The following EWSR1 variants were observed in gnomAD, a reference collection of about 807,000 sequenced individuals.
EWSR1 encodes EWS RNA binding protein 1.
A neutral mutation model predicts 92.1 loss-of-function variants in EWSR1; 14 were observed. That is an observed-to-expected ratio of 0.15 (90% confidence interval 0.10 to 0.24). The LOEUF is 0.24. Among genes scored for constraint, EWSR1 ranks in the 10% least tolerant of loss-of-function variants. EWSR1 has a pLI of 1.00. For missense variants in EWSR1, 637 were observed against 870.9 expected (o/e 0.73, Z 3.38); for synonymous variants, 303 against 292.9 (o/e 1.03, Z -0.35).
chr22:29,290,269 G>C, intron 8 of EWSR1: 1 of 674,838 alleles, frequency 1.5e-6, no homozygotes, highest in South Asian at 2.3e-5. Flanking sequence ...ATTGTGGTGT[G>C]GTGATGGTTT....
Position 29,277,720 on chromosome 22 carries a change from A to C in EWSR1, c.227-310A>C, listed in dbSNP as rs1190464164. On this transcript the variant is annotated intron_variant, in intron 4 of 16. Coordinates refer to ENST00000397938, the MANE Select transcript of EWSR1 (RefSeq NM_005243.4). ...AAATCAGTACAGACTTGGCAAAAAC[A>C]GACTTGTCTCCTATTCACAGCATTC... 4 of 307,014 alleles carry C rather than the reference A, an allele frequency of 1.3e-5. No homozygotes were observed. The South Asian group carries it at 2.7e-4, about 21-fold the overall frequency. The allele number at this position is 307,014 out of a possible 1,614,324, so 19.0% of individuals were successfully genotyped here.
Position 29,299,323 on chromosome 22 carries a change from C to T in EWSR1, c.1670C>T (p.Pro557Leu), listed in dbSNP as rs372053944. The part of the protein sequence containing the change: ...KPEGFLPPPF[P>L]PPGGDRGRGG... ...GAAGGCTTCCTCCCGCCACCCTTTC[C>T]GCCCCCGGGTAGGTGCAGGTTTCAT... The change falls in exon 15 of 17, where the codon CCG (proline) becomes CTG (leucine). Residue 557 changes from proline (P) to leucine (L), a missense_variant. Physicochemically the swap from Pro to Leu is moderately conservative, Grantham distance 98 (BLOSUM62 -3). Transcript: ENST00000397938. 13 of 1,613,508 alleles carry T rather than the reference C, an allele frequency of 8.1e-6. No individual in the cohort carries two copies. Among genetic ancestry groups the T allele is most frequent in the South Asian group, 3.3e-5 (3 of 91,068 alleles).
chr22:29,291,716 G>A, intron 9 of EWSR1, 117 bp downstream of exon 9: 1 of 933,392 alleles, frequency 1.1e-6, no homozygotes, highest in Non-Finnish European at 1.6e-6. Flanking sequence ...ATACAAAAGA[G>A]ACTAATGGGT....
chr22:29,282,488 G>A lies in EWSR1; in HGVS notation c.512G>A (p.Ser171Asn), dbSNP rs1390537914. The change falls in exon 6 of 17, where the codon AGT becomes AAT. Residue 171 changes from serine to asparagine, a missense_variant. Transcript: ENST00000397938. Reference protein sequence around the residue: ...PSLGYGQSNYSYPQVPGSYPM... With the variant: ...PSLGYGQSNYNYPQVPGSYPM... ...CTAGGATATGGACAGAGTAACTACA[G>A]TTATCCCCAGGTACCTGGGAGCTAC... 6.4e-7 allele frequency: 1 copy of A among 1,570,606 alleles called. No individual in the cohort carries two copies. Among genetic ancestry groups the A allele is most frequent in the African/African-American group, 1.4e-5 (1 of 72,198 alleles).
At chr22:29,269,167 C>T (rs558038307) in intron 1 of EWSR1, 1 of 152,348 alleles carries the variant, frequency 6.6e-6, no homozygotes, top group East Asian at 1.9e-4. Context: ...AGAAACGCTA[C>T]CAGAAAGATA....
rs532330435 is a variant in EWSR1, at chr22:29,296,122, G to A, written c.1165-117G>A. On this transcript the variant is annotated intron_variant, in intron 11 of 16. Coordinates refer to ENST00000397938, the MANE Select transcript of EWSR1 (RefSeq NM_005243.4). Reference sequence around the variant, plus strand: ...AAAAACTTAAAAGCGGAGAAACGGTGACATTTAGTGACTTACTACATGTGA... The same window carrying A: ...AAAAACTTAAAAGCGGAGAAACGGTAACATTTAGTGACTTACTACATGTGA... 89 of 966,150 alleles carry A rather than the reference G, an allele frequency of 9.2e-5. 1 individual carries two copies. In the African/African-American group the frequency reaches 1.3e-3, roughly 14 times the overall value. 59.8% of individuals were successfully genotyped at this position (966,150 alleles called of 1,614,324 possible).
At chr22:29,269,045 A>C (rs1480244619) in intron 1 of EWSR1, among the ~76,000 whole-genome samples, 2 of 151,900 alleles carry the variant, frequency 1.3e-5, no homozygotes, top group Admixed American at 6.6e-5. Flanking sequence ...TATCGTTATT[A>C]ATCCACGTCC....
chr22:29,284,811 T>G (rs2147265548), intron 6 of EWSR1, among the ~76,000 whole-genome samples: 1 of 151,406 alleles, frequency 6.6e-6, no homozygotes, highest in East Asian at 1.9e-4. Context: ...TTTTTTGTTT[T>G]TGTGTGTGTT....
At chr22:29,270,213 T>C (rs1382893695) in intron 1 of EWSR1, among the ~76,000 whole-genome samples, 1 of 152,224 alleles carries the variant, frequency 6.6e-6, no homozygotes, top group African/African-American at 2.4e-5. Context: ...GGGTTAATAA[T>C]AGAAGTTTTC....
chr22:29,289,403 C>CT (rs1345427241), intron 8 of EWSR1: 1 of 231,308 alleles, frequency 4.3e-6, no homozygotes, highest in African/African-American at 2.2e-5. Context: ...TGTTGAAAGT[C>CT]TAAATCGGTT....
chr22:29,296,168 AT>A, intron 11 of EWSR1, 70 bp from the exon 12 acceptor site: 3 of 1,498,292 alleles, frequency 2.0e-6, no homozygotes, highest in Non-Finnish European at 2.7e-6. Flanking sequence ...CTTTTCCTGG[AT>A]TTTGCCTGGA....
At chr22:29,299,988 GGGGC>G in intron 16 of EWSR1, 130 bp from the exon 17 acceptor site, 8 of 1,397,712 alleles carry the variant, frequency 5.7e-6, no homozygotes, top group South Asian at 1.3e-5. Flanking sequence ...GGGGCACCTG[GGGGC>G]TCTGGAAGGG....
Position 29,298,723 on chromosome 22 carries a change from CTTGTTGTAG to C in EWSR1, c.1418-9_1418-1del. ...AAATGATTTGCTGTTTCTTGTTGTT[CTTGTTGTAG>C]GTCCAGGAGGCCCAGGAGGTCCTGG... On this transcript the variant is annotated splice_acceptor_variant and splice_polypyrimidine_tract_variant and intron_variant, in intron 13 of 16. Transcript: ENST00000397938. LOFTEE classifies it high-confidence loss of function. 6.2e-7 allele frequency: 1 copy of C among 1,612,860 alleles called. No homozygotes were observed. Among genetic ancestry groups the C allele is most frequent in the Non-Finnish European group, 8.5e-7 (1 of 1,179,796 alleles).
At position 29,296,020 on chromosome 22, in the gene EWSR1, T is replaced by C. The variant is rs2060831711; in HGVS notation, c.1165-219T>C. 2.2e-5 allele frequency: 11 copies of C among 504,884 alleles called. No individual in the cohort carries two copies. The South Asian group carries it at 2.4e-4, about 11-fold the overall frequency. The allele number at this position is 504,884 out of a possible 1,614,324, so 31.3% of individuals were successfully genotyped here. A position where few individuals can be genotyped will look rare whatever the true frequency, so the allele number is the denominator to read the frequency against. ...GCTAAGGCAGGAGTGGGGCCTATCCTGTTCACTTCCACACTTTGGTCTACT... is the reference window on the plus strand; with the variant it reads ...GCTAAGGCAGGAGTGGGGCCTATCCCGTTCACTTCCACACTTTGGTCTACT... On this transcript the variant is annotated intron_variant, in intron 11 of 16. Transcript: ENST00000397938.
intron 6 of EWSR1, among the ~76,000 whole-genome samples, chr22:29,283,734 A>G (rs1467429328): frequency 1.3e-5 from 2 of 150,732 alleles, no homozygotes; most frequent in Non-Finnish European, 1.5e-5. Context: ...GGGTTTCACC[A>G]TGTGGGCCAG....
intron 1 of EWSR1, 65 bp downstream of exon 1, chr22:29,268,414 T>G: frequency 6.2e-7 from 1 of 1,613,308 alleles, no homozygotes; most frequent in South Asian, 1.1e-5. Context: ...GGGTCGTTCG[T>G]CTCTGGGCTT....
At chr22:29,299,464 C>T in intron 15 of EWSR1, 133 bp downstream of exon 15, 1 of 1,485,672 alleles carries the variant, frequency 6.7e-7, no homozygotes, top group Non-Finnish European at 9.0e-7. Flanking sequence ...TCTAAATTGT[C>T]AGCCCGATGC....
chr22:29,274,440 C>T (rs1602221653), intron 4 of EWSR1: 2 of 721,016 alleles, frequency 2.8e-6, no homozygotes, highest in East Asian at 2.5e-5. Flanking sequence ...GTGCCATTTG[C>T]AGATCCATGT....
chr22:29,283,367 C>A (rs999332284), intron 6 of EWSR1, among the ~76,000 whole-genome samples: 2 of 151,992 alleles, frequency 1.3e-5, no homozygotes, highest in Non-Finnish European at 2.9e-5. Flanking sequence ...GCCAAGTTTT[C>A]TTTTTTGAGA....
Sources: gnomAD v4.1 joint callset for allele counts (sites outside exome capture counted in the v4.1 genomes callset) on GRCh38, gnomAD v4.1.1 for gene constraint, MANE v1.5 for transcripts, NCBI Gene and HGNC (gene_info 2026-07-23, HGNC 2026-07-21) for gene names.